The following ASTN2 variants were observed in gnomAD, a reference collection of about 807,000 sequenced individuals.
ASTN2 encodes astrotactin 2.
A neutral mutation model predicts 139.8 loss-of-function variants in ASTN2; 54 were observed. The observed-to-expected ratio is 0.39, with a 90% confidence interval of 0.31 to 0.48. The LOEUF (loss-of-function observed/expected upper bound fraction) is 0.48. Among genes scored for constraint, ASTN2 ranks in the 20% least tolerant of loss-of-function variants. The pLI is 0.95. For synonymous variants in ASTN2, 756 were observed against 719.5 expected (o/e 1.05, Z -0.81); for missense variants, 1,565 against 1,725.1 (o/e 0.91, Z 1.64).
In ASTN2 at chr9:116,440,589, T is replaced by C. The variant is rs764069204; in HGVS notation, c.3782+20A>G. ...AGGCAAAAAGAATATGCCCCTCCAA[T>C]CACACAAATACGCCCATACCTGGGC... On this transcript the variant is annotated intron_variant, in intron 22 of 22. Transcript: ENST00000313400. The C allele has an allele frequency of 6.2e-7, 1 of 1,610,194 alleles. No individual in the cohort carries two copies. Among genetic ancestry groups the C allele is most frequent in the Non-Finnish European group, 8.5e-7 (1 of 1,178,332 alleles).
At chr9:116,736,515 C>A (rs1317631005) in intron 13 of ASTN2, among the ~76,000 whole-genome samples, 1 of 152,122 alleles carries the variant, frequency 6.6e-6, no homozygotes, top group African/African-American at 2.4e-5. Flanking sequence ...AGTGCCTGGG[C>A]GTGTGCTGAG....
At chr9:117,120,737 G>A (rs1011213162) in intron 4 of ASTN2, among the ~76,000 whole-genome samples, 1 of 152,182 alleles carries the variant, frequency 6.6e-6, no homozygotes, top group Non-Finnish European at 1.5e-5. Context: ...AAGGCAAGTG[G>A]AGACATTTCC....
intron 3 of ASTN2, among the ~76,000 whole-genome samples, chr9:117,158,956 C>A (rs1313715931): frequency 6.6e-6 from 1 of 151,864 alleles, no homozygotes; most frequent in African/African-American, 2.4e-5. Context: ...GCATCCTTGT[C>A]CTCTTGGATG....
intron 17 of ASTN2, among the ~76,000 whole-genome samples, chr9:116,640,128 G>A (rs1237577944): frequency 6.6e-6 from 1 of 152,060 alleles, no homozygotes; most frequent in Non-Finnish European, 1.5e-5. Flanking sequence ...AGGTGTCACT[G>A]AGCAAGCCAT....
At chr9:116,702,087 TC>T (rs1461133539) in intron 16 of ASTN2, among the ~76,000 whole-genome samples, 2 of 152,110 alleles carry the variant, frequency 1.3e-5, no homozygotes, top group Non-Finnish European at 2.9e-5. Context: ...AGAATACTTT[TC>T]TGAAAACCAC....
At chr9:117,011,181 T>C (rs1013203000) in intron 6 of ASTN2, among the ~76,000 whole-genome samples, 3 of 152,204 alleles carry the variant, frequency 2.0e-5, no homozygotes, top group African/African-American at 7.2e-5. Flanking sequence ...TTTCTCTCAA[T>C]TATGAGAAAT....
chr9:116,767,153 T>TACACAC (rs34813123), intron 13 of ASTN2, among the ~76,000 whole-genome samples: 279 of 150,540 alleles, frequency 1.9e-3, no homozygotes, highest in Non-Finnish European at 3.1e-3. Flanking sequence ...ATCCTACATA[T>TACACAC]ACACACACAC....
intron 16 of ASTN2, among the ~76,000 whole-genome samples, chr9:116,681,948 T>G (rs1859900906): frequency 6.6e-6 from 1 of 151,652 alleles, no homozygotes; most frequent in Admixed American, 6.6e-5. Flanking sequence ...GCATTACCAT[T>G]CAGGACATAG....
chr9:117,040,820 T>A (rs1838542353), intron 5 of ASTN2, among the ~76,000 whole-genome samples: 1 of 152,224 alleles, frequency 6.6e-6, no homozygotes, highest in Non-Finnish European at 1.5e-5. Flanking sequence ...TTACACAGCA[T>A]GATTTGTATA....
chr9:116,651,461 G>C, intron 17 of ASTN2, 67 bp downstream of exon 17: 1 of 1,555,092 alleles, frequency 6.4e-7, no homozygotes, highest in Non-Finnish European at 8.8e-7. Context: ...TGGACAAAGG[G>C]TCCACAAGGG....
At chr9:117,039,776 G>T (rs1304506136) in intron 6 of ASTN2, 43 bp downstream of exon 6, 2 of 1,581,988 alleles carry the variant, frequency 1.3e-6, no homozygotes, top group Non-Finnish European at 1.7e-6. Context: ...AGGGGTGCAA[G>T]GTGCTGAGTG....
chr9:117,124,963 T>C (rs55954045), intron 4 of ASTN2, among the ~76,000 whole-genome samples: 1,747 of 152,278 alleles, frequency 0.011, 34 homozygotes, highest in Middle Eastern at 0.075. Context: ...CTTACAAAGA[T>C]CACCTAAGAT....
chr9:117,080,097 C>T (rs1230297629), intron 5 of ASTN2, among the ~76,000 whole-genome samples: 1 of 152,194 alleles, frequency 6.6e-6, no homozygotes, highest in African/African-American at 2.4e-5. Flanking sequence ...TAAACTACCT[C>T]CAGCAAATCC....
chr9:116,568,374 T>G (rs1019075236), intron 19 of ASTN2: 2 of 152,112 alleles, frequency 1.3e-5, no homozygotes, highest in Non-Finnish European at 2.9e-5. Flanking sequence ...ATTTTTATCT[T>G]TTTTTAGGAG....
At chr9:117,110,475 A>G (rs1829223150) in intron 4 of ASTN2, among the ~76,000 whole-genome samples, 1 of 152,356 alleles carries the variant, frequency 6.6e-6, no homozygotes, top group Admixed American at 6.5e-5. Context: ...AATAATGTAG[A>G]AAATACTTAC....
intron 16 of ASTN2, among the ~76,000 whole-genome samples, chr9:116,704,199 G>T (rs930307547): frequency 6.6e-6 from 1 of 152,136 alleles, no homozygotes; most frequent in African/African-American, 2.4e-5. Context: ...AAATAAGGGT[G>T]TTGGTATGTC....
chr9:116,489,074 A>T (rs1019153702), intron 19 of ASTN2, among the ~76,000 whole-genome samples: 2 of 152,138 alleles, frequency 1.3e-5, no homozygotes, highest in East Asian at 3.9e-4. Context: ...TCAGAGCTCT[A>T]TTCATGTACA....
chr9:116,882,907 G>A (rs943810406), intron 10 of ASTN2, among the ~76,000 whole-genome samples: 2 of 152,132 alleles, frequency 1.3e-5, no homozygotes, highest in African/African-American at 4.8e-5. Flanking sequence ...AGTGCCGAAG[G>A]GGGTGTAGTG....
chr9:116,628,710 T>C (rs912444972), intron 17 of ASTN2, among the ~76,000 whole-genome samples: 3 of 152,214 alleles, frequency 2.0e-5, no homozygotes, highest in African/African-American at 7.2e-5. Context: ...AAGGGAACCC[T>C]CTTATAAACT....
Sources: gnomAD v4.1 joint callset for allele counts (sites outside exome capture counted in the v4.1 genomes callset) on GRCh38, gnomAD v4.1.1 for gene constraint, MANE v1.5 for transcripts, NCBI Gene and HGNC (gene_info 2026-07-23, HGNC 2026-07-21) for gene names.